Variants in FGFR2 observed in about 807,000 individuals in gnomAD.
The protein encoded by FGFR2 is fibroblast growth factor receptor 2.
A neutral mutation model predicts 95.9 loss-of-function variants in FGFR2; 19 were observed. The ratio of observed to expected loss-of-function variants is 0.20; its 90% CI spans 0.14 to 0.29. FGFR2 has a LOEUF of 0.29. Ranked by LOEUF, FGFR2 falls within the 10% of genes least tolerant of loss-of-function variation. FGFR2 has a pLI of 1.00. For missense variants in FGFR2, 707 were observed against 1,056.9 expected (o/e 0.67, Z 4.59); for synonymous variants, 392 against 393.3 (o/e 1.00, Z 0.04).
At chr10:121,584,216 C>T (rs78279782) in intron 2 of FGFR2, among the ~76,000 whole-genome samples, 4 of 151,882 alleles carry the variant, frequency 2.6e-5, no homozygotes, top group Admixed American at 6.6e-5. Flanking sequence ...CCCTTCCATG[C>T]AGACAAAAAT....
chr10:121,495,852 A>G (rs1312287732), intron 13 of FGFR2, among the ~76,000 whole-genome samples: 1 of 152,188 alleles, frequency 6.6e-6, no homozygotes, highest in Non-Finnish European at 1.5e-5. Context: ...TGGGGCTGAC[A>G]AGGGAGTTTT....
chr10:121,574,781 G>T (rs1421663805), intron 2 of FGFR2, among the ~76,000 whole-genome samples: 1 of 152,150 alleles, frequency 6.6e-6, no homozygotes, highest in African/African-American at 2.4e-5. Context: ...AGGGGGCGAG[G>T]AAGGGACAAA....
chr10:121,547,129 C>T (rs1009041362), intron 5 of FGFR2, among the ~76,000 whole-genome samples: 1 of 152,124 alleles, frequency 6.6e-6, no homozygotes, highest in Non-Finnish European at 1.5e-5. Flanking sequence ...GAGGCTGAGA[C>T]AGGAAAATCG....
chr10:121,496,733 A>G lies in FGFR2; in HGVS notation c.1673-11T>C, dbSNP rs965644532. 6.2e-7 allele frequency: 1 copy of G among 1,611,536 alleles called. No homozygotes were observed. The highest frequency in any genetic ancestry group is 2.2e-5 in the East Asian group (1 of 44,864). The stretch of plus-strand genomic sequence containing the variant: ...TGACATAGAGAGGCCCTGTTGAGGA[A>G]GAAGAGAAGCTCCCTAAAGAGAGAA... On this transcript the variant is annotated splice_polypyrimidine_tract_variant and intron_variant, in intron 12 of 17. Coordinates refer to ENST00000358487, the MANE Select transcript of FGFR2 (RefSeq NM_000141.5).
chr10:121,500,116 T>A (rs1028978781), intron 11 of FGFR2, among the ~76,000 whole-genome samples: 1 of 152,246 alleles, frequency 6.6e-6, no homozygotes, highest in Non-Finnish European at 1.5e-5. Context: ...CAGTTCCCTA[T>A]AACTCTTCTC....
chr10:121,572,622 C>CAA (rs765977820), intron 2 of FGFR2, among the ~76,000 whole-genome samples: 2 of 146,234 alleles, frequency 1.4e-5, no homozygotes, highest in African/African-American at 5.0e-5. Flanking sequence ...CTGTCTCAAA[C>CAA]AAAAAAAAAA....
intron 8 of FGFR2, among the ~76,000 whole-genome samples, chr10:121,515,727 G>T (rs1849630996): frequency 6.6e-6 from 1 of 151,636 alleles, no homozygotes; most frequent in African/African-American, 2.4e-5. Context: ...TTTCTAAGGA[G>T]ACAGTGACAA....
At position 121,485,619 on chromosome 10, in the gene FGFR2, T is replaced by C. The variant is rs1845309770; in HGVS notation, c.2058-87A>G. On this transcript the variant is annotated intron_variant, in intron 15 of 17. Coordinates refer to ENST00000358487, the MANE Select transcript of FGFR2 (RefSeq NM_000141.5). This position sits in a 1 kb window ranked among gnomAD's most constrained non-coding sequence, Gnocchi z 4.2. ...GCCCAGCTGAGACATAAACACCTCCTCACTTCTGAAGTTCAAAGACAAATG... is the reference window on the plus strand; with the variant it reads ...GCCCAGCTGAGACATAAACACCTCCCCACTTCTGAAGTTCAAAGACAAATG... 1.3e-6 allele frequency: 2 copies of C among 1,579,736 alleles called. No individual in the cohort carries two copies. Among genetic ancestry groups the C allele is most frequent in the Middle Eastern group, 1.7e-4 (1 of 5,990 alleles).
Position 121,593,746 on chromosome 10 carries a change from G to A in FGFR2, c.72C>T (p.Ser24=), listed in dbSNP as rs2135483525. 3 of 1,614,186 alleles carry A rather than the reference G, an allele frequency of 1.9e-6. No homozygotes were observed. The highest frequency in any genetic ancestry group is 2.5e-6 in the Non-Finnish European group (3 of 1,180,032). Residue 24 remains serine (S), a synonymous_variant, in exon 2 of 18, where the codon TCC becomes TCT. Transcript: ENST00000358487. ...ATGTGGTATCCTCAACTAAACTGAA[G>A]GAGGGCCGGGCCAGGGACAAGGTTG... ...TMATLSLARP[S]FSLVEDTTLE...
chr10:121,488,909 T>C (rs914602710), intron 13 of FGFR2, among the ~76,000 whole-genome samples: 2 of 152,206 alleles, frequency 1.3e-5, no homozygotes, highest in Non-Finnish European at 1.5e-5. Context: ...AACATTCTAA[T>C]CTGTGTTCCA....
At chr10:121,597,271 T>C (rs1350386076) in intron 1 of FGFR2, among the ~76,000 whole-genome samples, 6 of 152,148 alleles carry the variant, frequency 3.9e-5, no homozygotes, top group Non-Finnish European at 8.8e-5. Context: ...GCGCGCAAGT[T>C]AGAACTCGCC....
At chr10:121,556,336 G>A (rs998657961) in intron 4 of FGFR2, among the ~76,000 whole-genome samples, 1 of 151,624 alleles carries the variant, frequency 6.6e-6, no homozygotes, top group East Asian at 1.9e-4. Flanking sequence ...ATAGGCTGCT[G>A]GGCCTGCCCC....
chr10:121,501,579 G>A (rs1291903195), intron 10 of FGFR2, among the ~76,000 whole-genome samples: 3 of 152,046 alleles, frequency 2.0e-5, no homozygotes. Context: ...AGATTACAAG[G>A]TCTATGCACA....
intron 5 of FGFR2, among the ~76,000 whole-genome samples, chr10:121,542,304 A>T (rs186397927): frequency 6.6e-6 from 1 of 152,360 alleles, no homozygotes; most frequent in East Asian, 1.9e-4. Context: ...AATGTACTTT[A>T]TATAATTAAG....
intron 2 of FGFR2, among the ~76,000 whole-genome samples, chr10:121,569,209 CTTTT>C (rs1858185038): frequency 2.2e-5 from 3 of 136,492 alleles, no homozygotes; most frequent in African/African-American, 9.1e-5. Context: ...TTTTTCTTTT[CTTTT>C]CTTTTCTTTT....
rs41295539 is a variant in FGFR2, at chr10:121,525,126, G to A, written c.749-4957C>T. On this transcript the variant is annotated intron_variant, in intron 6 of 17. Transcript: ENST00000358487. ...GAGATAAACACATGGAAAATAGGCTGATGAGTAGCTCCTCTGTTTACTGTA... is the reference window on the plus strand; with the variant it reads ...GAGATAAACACATGGAAAATAGGCTAATGAGTAGCTCCTCTGTTTACTGTA... Among the ~76,000 whole-genome samples, 21 of 152,298 alleles carry A rather than the reference G, an allele frequency of 1.4e-4. No individual in the cohort carries two copies. The East Asian group carries it at 3.9e-3, about 28-fold the overall frequency.
At position 121,518,854 on chromosome 10, in the gene FGFR2, A is replaced by T. The variant is rs375538056; in HGVS notation, c.939+1125T>A. 1 of 1,613,974 alleles carries T rather than the reference A, an allele frequency of 6.2e-7. No individual in the cohort carries two copies. The highest frequency in any genetic ancestry group is 8.5e-7 in the Non-Finnish European group (1 of 1,179,880). On this transcript the variant is annotated intron_variant, in intron 7 of 17. Transcript: ENST00000358487. This position sits in a 1 kb window ranked among gnomAD's most constrained non-coding sequence, Gnocchi z 4.0. ...GCTAGAACAGACACAGGAGAACAAT[A>T]TAACGGCCAACCAGGAAGGTCTTAG...
intron 11 of FGFR2, among the ~76,000 whole-genome samples, chr10:121,500,389 G>C (rs1847443038): frequency 6.6e-6 from 1 of 152,126 alleles, no homozygotes; most frequent in Non-Finnish European, 1.5e-5. Context: ...CAAAAGAGAA[G>C]GCTTTCTGCT....
chr10:121,559,460 A>C (rs1466192972), intron 4 of FGFR2, among the ~76,000 whole-genome samples: 1 of 152,218 alleles, frequency 6.6e-6, no homozygotes, highest in East Asian at 1.9e-4. Flanking sequence ...ACAGCTGCTT[A>C]ATCTCAGCCG....
Sources: allele counts gnomAD v4.1 joint callset (sites outside exome capture counted in the v4.1 genomes callset), GRCh38; gene constraint gnomAD v4.1.1; non-coding constraint Gnocchi (gnomAD v3.1); transcripts MANE v1.5; gene names NCBI Gene and HGNC (gene_info 2026-07-23, HGNC 2026-07-21).